MITF: variants seen among roughly 807,000 people sequenced by gnomAD.
MITF encodes the protein microphthalmia-associated transcription factor.
In MITF, 17 loss-of-function variants were observed where a neutral mutation model predicts 60.5. The observed-to-expected ratio is 0.28, with a 90% confidence interval of 0.19 to 0.42. The LOEUF (loss-of-function observed/expected upper bound fraction) is 0.42. Among genes scored for constraint, MITF ranks in the 10% least tolerant of loss-of-function variants. MITF has a pLI of 1.00. For synonymous variants in MITF, 260 were observed against 248.5 expected, an observed-to-expected ratio of 1.05 and a Z score of -0.43; for missense variants, 622 against 683.5, an observed-to-expected ratio of 0.91 and a Z score of 1.00.
At chr3:69,849,273 T>C (rs946418958) in intron 1 of MITF, among the ~76,000 whole-genome samples, 11 of 152,186 alleles carry the variant, frequency 7.2e-5, no homozygotes, top group African/African-American at 2.4e-4. Context: ...CGGGCAAAGA[T>C]TCTTCTACAG....
At chr3:69,760,094 A>G (rs1283074682) in intron 1 of MITF, among the ~76,000 whole-genome samples, 1 of 152,154 alleles carries the variant, frequency 6.6e-6, no homozygotes, top group Non-Finnish European at 1.5e-5. Flanking sequence ...TCTCATTTTT[A>G]TCAGTTTGTT....
intron 1 of MITF, among the ~76,000 whole-genome samples, chr3:69,824,180 T>C (rs2063320073): frequency 1.3e-5 from 2 of 152,184 alleles, no homozygotes; most frequent in Non-Finnish European, 2.9e-5. Flanking sequence ...TAAGACAATT[T>C]GAATGTACCC....
intron 1 of MITF, among the ~76,000 whole-genome samples, chr3:69,782,622 A>G (rs1575704482): frequency 6.6e-6 from 1 of 152,272 alleles, no homozygotes; most frequent in African/African-American, 2.4e-5. Flanking sequence ...TTTTAGGGCA[A>G]TGTTTGCACA....
At chr3:69,758,990 A>T (rs967971974) in intron 1 of MITF, among the ~76,000 whole-genome samples, 6 of 152,200 alleles carry the variant, frequency 3.9e-5, no homozygotes, top group Non-Finnish European at 5.9e-5. Context: ...AGTAGGGGTG[A>T]TGATTGTTAC....
At chr3:69,921,533 T>C (rs2065468238) in intron 2 of MITF, among the ~76,000 whole-genome samples, 1 of 152,222 alleles carries the variant, frequency 6.6e-6, no homozygotes, top group Admixed American at 6.5e-5. Context: ...TCCATCTGAC[T>C]GTCCAGAACT....
At chr3:69,752,872 C>A (rs1432881601) in intron 1 of MITF, among the ~76,000 whole-genome samples, 4 of 152,154 alleles carry the variant, frequency 2.6e-5, no homozygotes, top group Non-Finnish European at 5.9e-5. Context: ...TGCCTCACTC[C>A]CCTTTTGCCT....
intron 5 of MITF, among the ~76,000 whole-genome samples, chr3:69,946,998 T>C (rs916312350): frequency 2.0e-5 from 3 of 152,148 alleles, no homozygotes; most frequent in African/African-American, 7.2e-5. Context: ...CTTTAGAATA[T>C]AGTTAGAAAA....
chr3:69,939,950 A>G (rs1180438423), intron 4 of MITF, among the ~76,000 whole-genome samples: 1 of 152,232 alleles, frequency 6.6e-6, no homozygotes, highest in South Asian at 2.1e-4. Flanking sequence ...AGACAAACAA[A>G]ACAAATAAAA....
At chr3:69,876,046 T>C (rs769956072) in intron 1 of MITF, among the ~76,000 whole-genome samples, 19 of 152,232 alleles carry the variant, frequency 1.2e-4, no homozygotes, top group Non-Finnish European at 2.1e-4. Flanking sequence ...TCACTTATAC[T>C]GGTCTACTTC....
intron 6 of MITF, among the ~76,000 whole-genome samples, chr3:69,950,779 C>G (rs1041587396): frequency 6.6e-6 from 1 of 151,910 alleles, no homozygotes; most frequent in Admixed American, 6.6e-5. Context: ...CCAGATTGGT[C>G]AAGTAACATG....
Position 69,815,600 on chromosome 3 carries a change from T to C in MITF, c.105-63534T>C, listed in dbSNP as rs1000491491. 2.0e-5 allele frequency among the ~76,000 whole-genome samples: 3 copies of C among 152,210 alleles called. No individual in the cohort carries two copies. In the South Asian group the frequency reaches 6.2e-4, roughly 32 times the overall value. On this transcript the variant is annotated intron_variant, in intron 1 of 9. Coordinates refer to ENST00000352241, the MANE Select transcript of MITF (RefSeq NM_001354604.2). ...ATGTAATATACAAAATATGTGTTAA[T>C]TGACTATTTATATTATTGGTAAGCC...
At chr3:69,858,423 TG>T (rs1469806436) in intron 1 of MITF, among the ~76,000 whole-genome samples, 2 of 152,164 alleles carry the variant, frequency 1.3e-5, no homozygotes, top group Non-Finnish European at 2.9e-5. Context: ...TTGAGAAATT[TG>T]ACTGTTAGCA....
Position 69,966,788 on chromosome 3 carries a change from C to T in MITF, c.*1540C>T, listed in dbSNP as rs2066699835. 4.3e-6 allele frequency: 1 copy of T among 232,742 alleles called. No homozygotes were observed. The highest frequency in any genetic ancestry group is 1.8e-4 in the South Asian group (1 of 5,524). 14.4% of individuals were successfully genotyped at this position (232,742 alleles called of 1,614,324 possible). A position where few individuals can be genotyped will look rare whatever the true frequency, so the allele number is the denominator to read the frequency against. On this transcript the variant is annotated 3_prime_UTR_variant, in exon 10 of 10. Transcript: ENST00000352241. ...AATGGAATTTCTCAGTAGCAGCCTA[C>T]AACTGAATAGCAAGTGGCATAAAGC...
At chr3:69,914,620 C>T (rs2065294579) in intron 2 of MITF, among the ~76,000 whole-genome samples, 3 of 152,076 alleles carry the variant, frequency 2.0e-5, no homozygotes, top group Admixed American at 6.5e-5. Context: ...CCTACCTGTC[C>T]CCCCCTGGAG....
intron 5 of MITF, among the ~76,000 whole-genome samples, chr3:69,945,867 A>T (rs1254399770): frequency 3.9e-5 from 6 of 152,196 alleles, no homozygotes; most frequent in Admixed American, 3.9e-4. Context: ...GGAATGCCTG[A>T]CTTGGAATAA....
intron 1 of MITF, among the ~76,000 whole-genome samples, chr3:69,847,194 C>T (rs2063747048): frequency 6.6e-6 from 1 of 152,026 alleles, no homozygotes; most frequent in Non-Finnish European, 1.5e-5. Flanking sequence ...CGTTTTTTTC[C>T]CTTAGTGTAT....
At chr3:69,931,844 G>T (rs2065731479) in intron 2 of MITF, among the ~76,000 whole-genome samples, 1 of 152,188 alleles carries the variant, frequency 6.6e-6, no homozygotes, top group South Asian at 2.1e-4. Flanking sequence ...AGAAGAGGGA[G>T]CTTCTCTAGT....
chr3:69,907,002 A>G (rs1329544063), intron 2 of MITF, among the ~76,000 whole-genome samples: 1 of 152,172 alleles, frequency 6.6e-6, no homozygotes, highest in African/African-American at 2.4e-5. Flanking sequence ...TGGTACTTAC[A>G]TTGTCCATGT....
intron 1 of MITF, among the ~76,000 whole-genome samples, chr3:69,740,022 G>A (rs746302439): frequency 5.9e-5 from 9 of 152,150 alleles, no homozygotes; most frequent in Non-Finnish European, 7.4e-5. Context: ...GGCGCGATGT[G>A]GGGGAGGAGG....
Sources: gnomAD v4.1 joint callset for allele counts (sites outside exome capture counted in the v4.1 genomes callset) on GRCh38, gnomAD v4.1.1 for gene constraint, MANE v1.5 for transcripts, NCBI Gene and HGNC (gene_info 2026-07-23, HGNC 2026-07-21) for gene names.